Variants in NPAS3 observed in about 807,000 individuals in gnomAD.
NPAS3 encodes the protein neuronal PAS domain-containing protein 3.
Under a neutral mutation model 73.1 loss-of-function variants are expected in NPAS3, and 14 were observed. The ratio of observed to expected loss-of-function variants is 0.19; its 90% CI spans 0.13 to 0.30. The LOEUF (loss-of-function observed/expected upper bound fraction) is 0.30. Among genes scored for constraint, NPAS3 ranks in the 10% least tolerant of loss-of-function variants. The probability of loss-of-function intolerance (pLI) is 1.00; values close to 1 mark genes in which losing one functional copy is unlikely to be tolerated. For synonymous variants in NPAS3, 620 were observed against 541.5 expected (o/e 1.14, Z -2.01); for missense variants, 1,096 against 1,250.0 (o/e 0.88, Z 1.86).
intron 2 of NPAS3, among the ~76,000 whole-genome samples, chr14:33,161,636 C>T (rs946786986): frequency 1.2e-4 from 19 of 152,164 alleles, no homozygotes; most frequent in Admixed American, 2.0e-4. Flanking sequence ...AGCAAGCTCA[C>T]GATGGCTTCC....
At chr14:32,935,393 G>A (rs1044532573), upstream of NPAS3, among the ~76,000 whole-genome samples, 2 of 152,216 alleles carry the variant, frequency 1.3e-5, no homozygotes, top group African/African-American at 2.4e-5. Flanking sequence ...AGCTAGGGGG[G>A]CAATTGATCA....
intron 5 of NPAS3, among the ~76,000 whole-genome samples, chr14:33,625,789 A>G (rs907585100): frequency 1.1e-4 from 17 of 152,226 alleles, no homozygotes; most frequent in Admixed American, 9.8e-4. Context: ...TAATAATAAT[A>G]ACATTTGGGT....
At chr14:33,557,527 A>T (rs2055414339) in intron 4 of NPAS3, among the ~76,000 whole-genome samples, 1 of 152,222 alleles carries the variant, frequency 6.6e-6, no homozygotes, top group Non-Finnish European at 1.5e-5. Context: ...TCATTAATTT[A>T]CACATGTCAA....
chr14:33,620,771 C>G (rs2058055919), intron 5 of NPAS3, among the ~76,000 whole-genome samples: 1 of 151,990 alleles, frequency 6.6e-6, no homozygotes, highest in Non-Finnish European at 1.5e-5. Context: ...TACAAGTTGG[C>G]CTTATTGATT....
intron 2 of NPAS3, among the ~76,000 whole-genome samples, chr14:33,196,943 T>C (rs1159872966): frequency 3.3e-5 from 5 of 152,206 alleles, no homozygotes; most frequent in Non-Finnish European, 7.3e-5. Flanking sequence ...TGGTATTTTT[T>C]CTTCTCCCTT....
intron 6 of NPAS3, among the ~76,000 whole-genome samples, chr14:33,707,975 T>G (rs1156899958): frequency 6.6e-6 from 1 of 152,068 alleles, no homozygotes. Flanking sequence ...TGTGGGAACG[T>G]GGAAGAAAGC....
chr14:33,793,364 G>A (rs2063419732), intron 9 of NPAS3, among the ~76,000 whole-genome samples: 1 of 152,138 alleles, frequency 6.6e-6, no homozygotes, highest in South Asian at 2.1e-4. Context: ...TTAGTTCATC[G>A]GAGGACTATA....
At chr14:33,572,980 G>A (rs1016990346) in intron 5 of NPAS3, among the ~76,000 whole-genome samples, 8 of 132,862 alleles carry the variant, frequency 6.0e-5, no homozygotes, top group Non-Finnish European at 1.2e-4. Context: ...CCGAGATCAC[G>A]CCACTGCACT....
At chr14:33,152,776 G>A (rs1482601987) in intron 2 of NPAS3, among the ~76,000 whole-genome samples, 1 of 151,698 alleles carries the variant, frequency 6.6e-6, no homozygotes, top group Non-Finnish European at 1.5e-5. Flanking sequence ...TCCCACTGAT[G>A]CATGTAATGT....
chr14:33,558,848 C>CT (rs35496683), intron 4 of NPAS3, among the ~76,000 whole-genome samples: 52,050 of 143,180 alleles, frequency 0.36, 10,471 homozygotes, highest in African/African-American at 0.56. Flanking sequence ...AATTCACGGC[C>CT]TTTTTTTTTT....
At chr14:33,656,192 T>C (rs2059141499) in intron 5 of NPAS3, among the ~76,000 whole-genome samples, 1 of 152,214 alleles carries the variant, frequency 6.6e-6, no homozygotes, top group Admixed American at 6.5e-5. Context: ...TTGGGGACTT[T>C]CTTAATGATT....
rs34527893 is a variant in NPAS3 at position 33,636,903 on chromosome 14, G to GCACACA, written c.559-39289_559-39284dup. 4.2e-3 allele frequency among the ~76,000 whole-genome samples: 623 copies of GCACACA among 149,266 alleles called. 7 individuals are homozygous for GCACACA. Among genetic ancestry groups the GCACACA allele is most frequent in the African/African-American group, 0.014 (559 of 40,748 alleles). ...AGCAGGAGGAGGACACTCGGAGTGTGCACACACACACACACACACACACAG... is the reference window on the plus strand; with the variant it reads ...AGCAGGAGGAGGACACTCGGAGTGTGCACACACACACACACACACACACACACACAG... On this transcript the variant is annotated intron_variant, in intron 5 of 11. Transcript: ENST00000356141.
chr14:33,386,958 G>A (rs926151136), intron 4 of NPAS3, among the ~76,000 whole-genome samples: 4 of 151,926 alleles, frequency 2.6e-5, no homozygotes, highest in Admixed American at 2.6e-4. Context: ...TGTCAGTTTG[G>A]GATGTGGCCA....
chr14:33,496,128 C>A (rs1041442152), intron 4 of NPAS3, among the ~76,000 whole-genome samples: 2 of 152,052 alleles, frequency 1.3e-5, no homozygotes, highest in East Asian at 1.9e-4. Context: ...GACACATACA[C>A]CCTCCCAAGA....
At chr14:33,152,665 G>A (rs1044852918) in intron 2 of NPAS3, among the ~76,000 whole-genome samples, 7 of 152,138 alleles carry the variant, frequency 4.6e-5, no homozygotes, top group African/African-American at 1.2e-4. Context: ...ATTTGAGGCC[G>A]TTTTTCCATT....
At chr14:33,560,259 C>A in intron 5 of NPAS3, 49 bp downstream of exon 5, 1 of 802,354 alleles carries the variant, frequency 1.2e-6, no homozygotes, top group Admixed American at 1.8e-5. Flanking sequence ...AAGCCTTCTT[C>A]AGCCTCATGT....
At chr14:33,180,828 C>CACGGT (rs1331308576) in intron 2 of NPAS3, among the ~76,000 whole-genome samples, 1 of 124,376 alleles carries the variant, frequency 8.0e-6, no homozygotes, top group African/African-American at 2.9e-5. Context: ...AAAAAAAAGA[C>CACGGT]ACGGTAGGGG....
chr14:33,510,016 C>T (rs1044950250), intron 4 of NPAS3, among the ~76,000 whole-genome samples: 7 of 151,958 alleles, frequency 4.6e-5, no homozygotes, highest in Non-Finnish European at 8.8e-5. Flanking sequence ...TTTGTTTCCC[C>T]TCCCCCAGCA....
intron 2 of NPAS3, among the ~76,000 whole-genome samples, chr14:33,133,838 G>A (rs1025384169): frequency 6.6e-6 from 1 of 152,086 alleles, no homozygotes; most frequent in Non-Finnish European, 1.5e-5. Context: ...GAGAAGCCAC[G>A]GGCATTCCAG....
Sources: allele counts gnomAD v4.1 joint callset (sites outside exome capture counted in the v4.1 genomes callset), GRCh38; gene constraint gnomAD v4.1.1; transcripts MANE v1.5; gene names NCBI Gene and HGNC (gene_info 2026-07-23, HGNC 2026-07-21).